ASPM: variants seen among roughly 807,000 people sequenced by gnomAD.
ASPM encodes abnormal spindle-like microcephaly-associated protein.
Under a neutral mutation model 366.4 loss-of-function variants are expected in ASPM, and 256 were observed. The observed-to-expected ratio is 0.70, with a 90% CI of 0.63 to 0.77. The LOEUF (loss-of-function observed/expected upper bound fraction) is 0.77, where lower values mean the gene tolerates loss of function less well. Ranked by LOEUF, ASPM falls within the 30% of genes least tolerant of loss-of-function variation. The probability of loss-of-function intolerance (pLI) is 0.00; values close to 1 mark genes in which losing one functional copy is unlikely to be tolerated. For synonymous variants in ASPM, 1,414 were observed against 1,342.9 expected, an observed-to-expected ratio of 1.05 and a Z score of -1.16; for missense variants, 4,146 against 4,090.4, an observed-to-expected ratio of 1.01 and a Z score of -0.37.
chr1:197,144,385 A>G (rs1300074944), intron 1 of ASPM, among the ~76,000 whole-genome samples: 1 of 152,204 alleles, frequency 6.6e-6, no homozygotes, highest in Non-Finnish European at 1.5e-5. Flanking sequence ...AGTGGTTTCA[A>G]AAGATTTAAT....
Position 197,101,052 on chromosome 1 carries a change from TTTTC to T in ASPM, c.8195_8198del (p.Arg2732LysfsTer4), listed in dbSNP as rs770579201. The T allele has an allele frequency of 1.1e-5, 17 of 1,611,448 alleles. No homozygotes were observed. Among genetic ancestry groups the T allele is most frequent in the Admixed American group, 1.7e-5 (1 of 59,578 alleles). ...CAGATTTCTGAACTGCTAAAAAGTTTTTTCTTTCTGTTTTTACTCTAACATACAA... is the reference window on the plus strand; with the variant it reads ...CAGATTTCTGAACTGCTAAAAAGTTTTTTCTGTTTTTACTCTAACATACAA... On this transcript the variant is annotated frameshift_variant, in exon 18 of 28. Coordinates refer to ENST00000367409, the MANE Select transcript of ASPM (RefSeq NM_018136.5). LOFTEE classifies it high-confidence loss of function.
intron 2 of ASPM, 39 bp from the exon 3 acceptor site, chr1:197,143,849 C>T: frequency 1.3e-6 from 2 of 1,586,652 alleles, no homozygotes; most frequent in Non-Finnish European, 8.6e-7. Context: ...AAGTTTGTAG[C>T]TATTGAATAT....
At chr1:197,136,996 A>G (rs1468720285) in intron 4 of ASPM, among the ~76,000 whole-genome samples, 2 of 152,156 alleles carry the variant, frequency 1.3e-5, no homozygotes, top group Non-Finnish European at 2.9e-5. Flanking sequence ...CCCTAAAAAA[A>G]CCCTATGGAT....
chr1:197,086,753 T>A (rs1366454746), intron 27 of ASPM, 50 bp downstream of exon 27: 6 of 1,449,324 alleles, frequency 4.1e-6, no homozygotes, highest in Non-Finnish European at 5.8e-6. Context: ...ATTTGTTAAA[T>A]GAATGAATGA....
chr1:197,138,764 T>C (rs1658494426), intron 4 of ASPM: 2 of 725,522 alleles, frequency 2.8e-6, no homozygotes. Context: ...CTTACGATGT[T>C]TGTCTTTCTT....
chr1:197,124,049 G>A, intron 13 of ASPM, 61 bp downstream of exon 13: 1 of 1,419,930 alleles, frequency 7.0e-7, no homozygotes, highest in Non-Finnish European at 9.8e-7. Context: ...TTAAGTTTAA[G>A]TGACTTTCAT....
intron 16 of ASPM, among the ~76,000 whole-genome samples, chr1:197,121,308 T>C (rs752052478): frequency 1.1e-4 from 16 of 152,296 alleles, no homozygotes; most frequent in Non-Finnish European, 2.2e-4. Context: ...ATGAAATTTT[T>C]GTACTATTGG....
chr1:197,131,653 G>T (rs1658258170), intron 7 of ASPM, among the ~76,000 whole-genome samples: 1 of 151,786 alleles, frequency 6.6e-6, no homozygotes, highest in East Asian at 1.9e-4. Flanking sequence ...CCACCTCCCG[G>T]GTTCCCCTCA....
chr1:197,085,272 T>A (rs894890321), intron 27 of ASPM, among the ~76,000 whole-genome samples: 1 of 152,196 alleles, frequency 6.6e-6, no homozygotes, highest in African/African-American at 2.4e-5. Flanking sequence ...AAATCTAAAA[T>A]GAGCATTTGA....
intron 20 of ASPM, 79 bp from the exon 21 acceptor site, chr1:197,093,340 TC>T: frequency 1.8e-6 from 2 of 1,081,580 alleles, no homozygotes; most frequent in Non-Finnish European, 2.8e-6. Context: ...CTTGAATTTC[TC>T]AATGAGATGG....
chr1:197,138,773 T>C (rs1254255727), intron 4 of ASPM: 2 of 730,698 alleles, frequency 2.7e-6, no homozygotes, highest in Non-Finnish European at 2.5e-6. Context: ...TTTGTCTTTC[T>C]TTGTATTGGT....
At position 197,103,742 on chromosome 1, in the gene ASPM, C is replaced by G. The variant is rs1657292215; in HGVS notation, c.5509G>C (p.Gly1837Arg). Residue 1837 changes from glycine (G) to arginine (R), a missense_variant, in exon 18 of 28, where the codon GGC (glycine) becomes CGC (arginine). Physicochemically the swap from Gly to Arg is moderately radical, Grantham distance 125. Around this residue, in one of 3 missense-constraint regions of ASPM, gnomAD observed 3,624 missense variants for 3,591.7 expected, o/e 1.01. Coordinates refer to ENST00000367409, the MANE Select transcript of ASPM (RefSeq NM_018136.5). Reference sequence around the variant, plus strand: ...TGATATTTTACCCTTTTATTATAGCCTCTAAAAGCAGACTGAATTTTAAGA... The same window carrying G: ...TGATATTTTACCCTTTTATTATAGCGTCTAAAAGCAGACTGAATTTTAAGA... ...AALKIQSAFR[G>R]YNKRVKYQSV... 4 of 1,612,584 alleles carry G rather than the reference C, an allele frequency of 2.5e-6. No homozygotes were observed. The highest frequency in any genetic ancestry group is 3.4e-6 in the Non-Finnish European group (4 of 1,179,298).
chr1:197,084,531 A>C, intron 27 of ASPM, 105 bp from the exon 28 acceptor site: 1 of 747,888 alleles, frequency 1.3e-6, no homozygotes, highest in East Asian at 2.7e-5. Context: ...TGAACACATC[A>C]TTTCCCTTAC....
chr1:197,131,715 C>T (rs993307054), intron 7 of ASPM, among the ~76,000 whole-genome samples: 40 of 152,108 alleles, frequency 2.6e-4, no homozygotes, highest in Admixed American at 5.9e-4. Context: ...CCCACCATCA[C>T]GCCTGGCTGA....
intron 10 of ASPM, among the ~76,000 whole-genome samples, chr1:197,126,167 G>A (rs536396357): frequency 5.3e-5 from 8 of 152,230 alleles, no homozygotes; most frequent in South Asian, 2.1e-4. Context: ...CTGGCCAGCC[G>A]CGGTGGCTCA....
chr1:197,101,495 T>C lies in ASPM; in HGVS notation c.7756A>G (p.Lys2586Glu). The C allele has an allele frequency of 6.2e-7, 1 of 1,609,754 alleles. No individual in the cohort carries two copies. Among genetic ancestry groups the C allele is most frequent in the Non-Finnish European group, 8.5e-7 (1 of 1,179,116 alleles). Residue 2586 changes from lysine to glutamate, a missense_variant, in exon 18 of 28, where the codon AAA (lysine) becomes GAA (glutamate). Lys to Glu is a moderately conservative substitution (Grantham distance 56). Around this residue, in one of 3 missense-constraint regions of ASPM, gnomAD observed 3,624 missense variants for 3,591.7 expected, o/e 1.01. Coordinates refer to ENST00000367409, the MANE Select transcript of ASPM (RefSeq NM_018136.5). The stretch of plus-strand genomic sequence containing the variant: ...TGTTTCTTTTTATTTGCTCTATATT[T>C]TTCTTGTATGATTTTTGTAGCCCAC... ...LQWATKIIQE[K>E]YRANKKKQKV...
chr1:197,143,330 T>A lies in ASPM; in HGVS notation c.922A>T (p.Ile308Phe). ...LTPNCSSTLN[I>F]TQSQIHFLSP... ...AGAAAATGTATTTGGCTTTGTGTAA[T>A]GTTCAAAGTTGAAGAACAGTTGGGG... Residue 308 changes from isoleucine to phenylalanine, a missense_variant, in exon 3 of 28, where the codon ATT becomes TTT. Coordinates refer to ENST00000367409, the MANE Select transcript of ASPM (RefSeq NM_018136.5). 6.2e-7 allele frequency: 1 copy of A among 1,614,010 alleles called. No individual in the cohort carries two copies. The highest frequency in any genetic ancestry group is 8.5e-7 in the Non-Finnish European group (1 of 1,179,850).
At position 197,142,555 on chromosome 1, in the gene ASPM, G is replaced by A. The variant is rs555866170; in HGVS notation, c.1697C>T (p.Ser566Leu). The change falls in exon 3 of 28, where the codon TCG becomes TTG. Residue 566 changes from serine to leucine, a missense_variant. Physicochemically the swap from Ser to Leu is moderately radical, Grantham distance 145. Coordinates refer to ENST00000367409, the MANE Select transcript of ASPM (RefSeq NM_018136.5). ...KSYKNEVTPS[S>L]TTASVARKRK... is the part of the protein sequence containing the mutation. ...TTTCCGAGCAACTGAAGCTGTTGTC[G>A]AAGAGGGTGTTACCTCGTTTTTATA... 1.9e-5 allele frequency: 31 copies of A among 1,613,782 alleles called. No homozygotes were observed. The highest frequency in any genetic ancestry group is 1.6e-4 in the East Asian group (7 of 44,882).
rs1658625556 is a variant in ASPM, at chr1:197,142,632, A to G, written c.1620T>C (p.Asp540=). The G allele has an allele frequency of 1.2e-6, 2 of 1,612,234 alleles. No homozygotes were observed. Among genetic ancestry groups the G allele is most frequent in the Admixed American group, 1.7e-5 (1 of 59,922 alleles). Residue 540 remains aspartate, a synonymous_variant, in exon 3 of 28, where the codon GAT becomes GAC. Coordinates refer to ENST00000367409, the MANE Select transcript of ASPM (RefSeq NM_018136.5). The part of the protein sequence containing the change: ...KVINNQKEKE[D]FHSYLPIIDP... ...CTATAATTGGAAGATAAGAATGAAA[A>G]TCTTCTTTTTCCTTTTGATTATTTA...
Sources: allele counts gnomAD v4.1 joint callset (sites outside exome capture counted in the v4.1 genomes callset), GRCh38; gene constraint gnomAD v4.1.1; regional missense constraint gnomAD v4.1.1; transcripts MANE v1.5; gene names NCBI Gene and HGNC (gene_info 2026-07-23, HGNC 2026-07-21).